GPBP1: variants seen among roughly 807,000 people sequenced by gnomAD.
GPBP1 encodes the protein GC-rich promoter binding protein 1, also known as vasculin.
GPBP1 carries 13 observed loss-of-function variants against 56.5 expected under a neutral mutation model. The observed-to-expected ratio is 0.23, with a 90% confidence interval of 0.15 to 0.37. GPBP1 has a LOEUF of 0.37. GPBP1 is among the 10% of genes least tolerant of loss of function. The pLI is 1.00. For missense variants in GPBP1, 477 were observed against 572.3 expected (o/e 0.83, Z 1.70); for synonymous variants, 204 against 188.9 (o/e 1.08, Z -0.66).
At chr5:57,238,864 TG>T (rs1740672812) in intron 6 of GPBP1, among the ~76,000 whole-genome samples, 1 of 152,212 alleles carries the variant, frequency 6.6e-6, no homozygotes, top group Non-Finnish European at 1.5e-5. Context: ...AGAGTTCTTT[TG>T]GTTTGTTGAG....
intron 2 of GPBP1, among the ~76,000 whole-genome samples, chr5:57,208,867 C>T (rs1419183348): frequency 1.3e-5 from 2 of 151,866 alleles, no homozygotes; most frequent in African/African-American, 2.4e-5. Flanking sequence ...GTTGGCCAGC[C>T]TGGTCTCAAA....
rs1753774700 is a variant in GPBP1, at chr5:57,175,958, TTTTATTTACGTGGAAA to T, written c.-495_-480del. The T allele has an allele frequency of 2.5e-6, 1 of 398,618 alleles. No homozygotes were observed. The highest frequency in any genetic ancestry group is 4.4e-6 in the Non-Finnish European group (1 of 226,060). 24.7% of individuals were successfully genotyped at this position (398,618 alleles called of 1,614,324 possible). On this transcript the variant is annotated 5_prime_UTR_variant, in exon 2 of 12. The change abolishes the stop of an existing upstream ORF in the 5' untranslated region. Coordinates refer to ENST00000506184, the MANE Select transcript of GPBP1 (RefSeq NM_022913.4). ...AATACAGAGTTTTTTTCCTTTTATC[TTTTATTTACGTGGAAA>T]TTTAAGATGTTGCAGTTTTCCGGCA...
chr5:57,214,056 T>C lies in GPBP1; in HGVS notation c.-57-18T>C. On this transcript the variant is annotated intron_variant, in intron 2 of 11. Coordinates refer to ENST00000506184, the MANE Select transcript of GPBP1 (RefSeq NM_022913.4). The stretch of plus-strand genomic sequence containing the variant: ...GCCAGGAGCTGCAGGTCTAATTCCT[T>C]CCATTTTTATGTGACAGGGACTTGC... The C allele has an allele frequency of 8.0e-7, 1 of 1,254,956 alleles. No homozygotes were observed. Among genetic ancestry groups the C allele is most frequent in the Non-Finnish European group, 1.2e-6 (1 of 857,504 alleles). 77.7% of individuals were successfully genotyped at this position (1,254,956 alleles called of 1,614,324 possible).
Position 57,175,850 on chromosome 5 carries a change from C to T in GPBP1, c.-608C>T. On this transcript the variant is annotated 5_prime_UTR_variant, in exon 2 of 12. Transcript: ENST00000506184. ...AAGTTTCATGGCAGTTTATTTTTAC[C>T]TTTATTGAAAGTTTTAGGAATTTTT... The T allele has an allele frequency of 2.5e-6, 1 of 397,114 alleles. No homozygotes were observed. The allele number at this position is 397,114 out of a possible 1,614,324, so 24.6% of individuals were successfully genotyped here. A position where few individuals can be genotyped will look rare whatever the true frequency, so the allele number is the denominator to read the frequency against.
At chr5:57,262,023 T>C (rs889158368) in intron 11 of GPBP1, among the ~76,000 whole-genome samples, 9 of 152,200 alleles carry the variant, frequency 5.9e-5, no homozygotes, top group African/African-American at 2.2e-4. Flanking sequence ...CTGGGGCTAC[T>C]GGCTTGTGCC....
intron 6 of GPBP1, among the ~76,000 whole-genome samples, chr5:57,240,475 T>G (rs1740773405): frequency 6.6e-6 from 1 of 152,236 alleles, no homozygotes; most frequent in African/African-American, 2.4e-5. Flanking sequence ...GGAGTTGGAA[T>G]GGTAAACATT....
At chr5:57,193,797 A>G (rs967120825) in intron 2 of GPBP1, among the ~76,000 whole-genome samples, 2 of 152,162 alleles carry the variant, frequency 1.3e-5, no homozygotes, top group Non-Finnish European at 2.9e-5. Context: ...AAGGATTTGA[A>G]AAAAACAAAA....
rs1230118307 is a variant in GPBP1, at chr5:57,262,824, TGAA to T, written c.*76_*78del. On this transcript the variant is annotated 3_prime_UTR_variant, in exon 12 of 12. Transcript: ENST00000506184. The stretch of plus-strand genomic sequence containing the variant: ...TACAGTTTGGGGTGAATTGTAAAAA[TGAA>T]GAACTATAATTTATGTAGTGAAATA... The T allele has an allele frequency of 4.4e-6, 6 of 1,369,842 alleles. No homozygotes were observed. The highest frequency in any genetic ancestry group is 2.9e-5 in the African/African-American group (2 of 68,766). The allele number at this position is 1,369,842 out of a possible 1,614,324, so 84.9% of individuals were successfully genotyped here. A position where few individuals can be genotyped will look rare whatever the true frequency, so the allele number is the denominator to read the frequency against.
intron 2 of GPBP1, among the ~76,000 whole-genome samples, chr5:57,201,037 T>G (rs1465653052): frequency 6.6e-6 from 1 of 151,860 alleles, no homozygotes; most frequent in Non-Finnish European, 1.5e-5. Context: ...TTGGCCAGGC[T>G]GGTCTTGAAC....
At chr5:57,201,903 C>A (rs1311277543) in intron 2 of GPBP1, among the ~76,000 whole-genome samples, 5 of 152,052 alleles carry the variant, frequency 3.3e-5, no homozygotes, top group African/African-American at 4.8e-5. Context: ...GTTCACATTA[C>A]CTAGTTTCTG....
intron 3 of GPBP1, among the ~76,000 whole-genome samples, chr5:57,217,496 G>T (rs895787439): frequency 2.7e-5 from 4 of 149,772 alleles, no homozygotes; most frequent in Middle Eastern, 3.7e-3. Flanking sequence ...GCTTTAACCG[G>T]GAGGGTGGAG....
chr5:57,254,650 G>A (rs1741559871), intron 10 of GPBP1, among the ~76,000 whole-genome samples: 1 of 150,690 alleles, frequency 6.6e-6, no homozygotes, highest in African/African-American at 2.4e-5. Context: ...AGCCGAGATC[G>A]TGCCATTGCA....
chr5:57,242,145 T>G (rs1422661162), intron 6 of GPBP1, among the ~76,000 whole-genome samples: 1 of 152,184 alleles, frequency 6.6e-6, no homozygotes, highest in Non-Finnish European at 1.5e-5. Context: ...ATCTTAAAGT[T>G]TTTCTTTTTC....
At chr5:57,209,559 C>T (rs1022290254) in intron 2 of GPBP1, among the ~76,000 whole-genome samples, 2 of 152,056 alleles carry the variant, frequency 1.3e-5, no homozygotes, top group African/African-American at 2.4e-5. Flanking sequence ...GCATTCTTGT[C>T]TTGTTCCTGA....
At chr5:57,199,657 T>G (rs1754913316) in intron 2 of GPBP1, among the ~76,000 whole-genome samples, 1 of 152,188 alleles carries the variant, frequency 6.6e-6, no homozygotes, top group African/African-American at 2.4e-5. Flanking sequence ...AACTCGTCAT[T>G]TACATTAGGT....
At chr5:57,238,790 A>G (rs1429303311) in intron 6 of GPBP1, among the ~76,000 whole-genome samples, 1 of 152,194 alleles carries the variant, frequency 6.6e-6, no homozygotes, top group East Asian at 1.9e-4. Context: ...TGGTAGTTTG[A>G]TGAGCTTTCT....
chr5:57,229,612 C>G (rs1756355102), intron 3 of GPBP1, among the ~76,000 whole-genome samples: 2 of 152,058 alleles, frequency 1.3e-5, no homozygotes, highest in African/African-American at 4.8e-5. Flanking sequence ...CTCACTGCAA[C>G]TGCAACCTGC....
At chr5:57,188,460 G>A (rs1754383800) in intron 2 of GPBP1, among the ~76,000 whole-genome samples, 1 of 152,150 alleles carries the variant, frequency 6.6e-6, no homozygotes, top group African/African-American at 2.4e-5. Flanking sequence ...CTACACTCAG[G>A]CTGGACATGG....
chr5:57,191,796 A>C (rs906718794), intron 2 of GPBP1, among the ~76,000 whole-genome samples: 9 of 151,894 alleles, frequency 5.9e-5, no homozygotes, highest in Non-Finnish European at 1.2e-4. Flanking sequence ...TCTTGACCTC[A>C]TGATCCGCCC....
Sources: allele counts gnomAD v4.1 joint callset (sites outside exome capture counted in the v4.1 genomes callset), GRCh38; gene constraint gnomAD v4.1.1; transcripts MANE v1.5; gene names NCBI Gene and HGNC (gene_info 2026-07-23, HGNC 2026-07-21).